The following TMEM94 variants were observed in gnomAD, a reference collection of about 807,000 sequenced individuals.
The protein encoded by TMEM94 is transmembrane protein 94.
TMEM94 carries 81 observed loss-of-function variants against 158.6 expected under a neutral mutation model. That is an observed-to-expected ratio of 0.51 (90% confidence interval 0.43 to 0.61). TMEM94 has a LOEUF of 0.61. Among genes scored for constraint, TMEM94 ranks in the 20% least tolerant of loss-of-function variants. TMEM94 has a pLI of 0.00. For missense variants in TMEM94, 1,435 were observed against 1,762.0 expected (o/e 0.81, Z 3.32); for synonymous variants, 751 against 730.7 (o/e 1.03, Z -0.45).
Position 75,498,938 on chromosome 17 carries a change from C to A in TMEM94, c.3854C>A (p.Ala1285Asp). 6.4e-7 allele frequency: 1 copy of A among 1,567,836 alleles called. No homozygotes were observed. Among genetic ancestry groups the A allele is most frequent in the Non-Finnish European group, 8.6e-7 (1 of 1,156,462 alleles). ...CTGCTGGGTCAGGTGGTCCAGACGG[C>A]TGTGGACCTGCAGCTGTGGACACAC... Reference protein sequence around the residue: ...VVLLGQVVQTAVDLQLWTHRD... With the variant: ...VVLLGQVVQTDVDLQLWTHRD... Residue 1285 changes from alanine (A) to aspartate (D), a missense_variant, in exon 31 of 32, where the codon GCT becomes GAT. Physicochemically the swap from Ala to Asp is moderately radical, Grantham distance 126. Coordinates refer to ENST00000314256, the MANE Select transcript of TMEM94 (RefSeq NM_014738.6). The surrounding 1 kb of genome is among the most constrained non-coding windows in gnomAD (Gnocchi z 6.7).
chr17:75,478,642 G>C (rs2050907956), intron 2 of TMEM94, among the ~76,000 whole-genome samples: 1 of 152,146 alleles, frequency 6.6e-6, no homozygotes, highest in Non-Finnish European at 1.5e-5. Flanking sequence ...TGATAGAACA[G>C]AGAGAGCAAG....
chr17:75,496,665 T>A (rs948243357), intron 24 of TMEM94, 65 bp from the exon 25 acceptor site: 7 of 1,531,550 alleles, frequency 4.6e-6, no homozygotes, highest in Non-Finnish European at 6.3e-6. Context: ...CTAAAGTGTG[T>A]CAGCTGTTGG....
chr17:75,492,625 A>G lies in TMEM94; in HGVS notation c.1748A>G (p.Lys583Arg), dbSNP rs748548974. 1.2e-6 allele frequency: 2 copies of G among 1,613,954 alleles called. No individual in the cohort carries two copies. The highest frequency in any genetic ancestry group is 1.7e-6 in the Non-Finnish European group (2 of 1,179,974). Residue 583 changes from lysine (K) to arginine (R), a missense_variant, in exon 15 of 32, where the codon AAA (lysine) becomes AGA (arginine). Coordinates refer to ENST00000314256, the MANE Select transcript of TMEM94 (RefSeq NM_014738.6). The surrounding 1 kb of genome is among the most constrained non-coding windows in gnomAD (Gnocchi z 4.4). ...SNWQLHLTSL[K>R]PLGLNVLLNL... ...TGGCAGCTGCACCTCACCTCCCTCAAACCCCTGGGCCTCAATGTGCTGCTG... is the reference window on the plus strand; with the variant it reads ...TGGCAGCTGCACCTCACCTCCCTCAGACCCCTGGGCCTCAATGTGCTGCTG...
chr17:75,476,938 G>A (rs993538907), intron 2 of TMEM94, among the ~76,000 whole-genome samples: 1 of 152,166 alleles, frequency 6.6e-6, no homozygotes, highest in Non-Finnish European at 1.5e-5. Flanking sequence ...GTGTGCCTGG[G>A]TAGCTGCCAG....
Position 75,499,602 on chromosome 17 carries a change from C to G in TMEM94, c.*268C>G. 1 of 525,420 alleles carries G rather than the reference C, an allele frequency of 1.9e-6. No individual in the cohort carries two copies. The highest frequency in any genetic ancestry group is 3.4e-6 in the Non-Finnish European group (1 of 295,302). The allele number at this position is 525,420 out of a possible 1,614,324, so 32.5% of individuals were successfully genotyped here. ...TTGAATGTATGGCCTCAGGCGCTCCCTAGAGGGGCCCTAAACCCCCTCACC... is the reference window on the plus strand; with the variant it reads ...TTGAATGTATGGCCTCAGGCGCTCCGTAGAGGGGCCCTAAACCCCCTCACC... On this transcript the variant is annotated 3_prime_UTR_variant, in exon 32 of 32. Coordinates refer to ENST00000314256, the MANE Select transcript of TMEM94 (RefSeq NM_014738.6).
At chr17:75,480,481 G>C (rs1225013574) in intron 2 of TMEM94, among the ~76,000 whole-genome samples, 1 of 152,224 alleles carries the variant, frequency 6.6e-6, no homozygotes, top group Non-Finnish European at 1.5e-5. Flanking sequence ...GCAGAGCGCA[G>C]CTTCAAGGTT....
At position 75,491,505 on chromosome 17, in the gene TMEM94, CTGT is replaced by C; in HGVS notation, c.1386+52_1386+54del. On this transcript the variant is annotated intron_variant, in intron 13 of 31. Coordinates refer to ENST00000314256, the MANE Select transcript of TMEM94 (RefSeq NM_014738.6). This position sits in a 1 kb window ranked among gnomAD's most constrained non-coding sequence, Gnocchi z 5.1. The stretch of plus-strand genomic sequence containing the variant: ...CCCATGGGCCCGACTCTGGGCCAGG[CTGT>C]TTAGCCTTGGAGCCTGGCCAGGGAG... 6.2e-7 allele frequency: 1 copy of C among 1,612,946 alleles called. No individual in the cohort carries two copies. Among genetic ancestry groups the C allele is most frequent in the Non-Finnish European group, 8.5e-7 (1 of 1,179,442 alleles).
Position 75,493,443 on chromosome 17 carries a change from G to T in TMEM94, c.2087-48G>T, listed in dbSNP as rs72851929. ...ACAGTGCGTTGCCTGTCAGGTCAGC[G>T]TGAGGGGGCTGGTTAGCGACACTCA... On this transcript the variant is annotated intron_variant, in intron 16 of 31. Coordinates refer to ENST00000314256, the MANE Select transcript of TMEM94 (RefSeq NM_014738.6). The T allele has an allele frequency of 7.6e-3, 12,038 of 1,577,164 alleles. 51 individuals carry two copies. The highest frequency in any genetic ancestry group is 8.7e-3 in the Non-Finnish European group (10,014 of 1,147,064).
At position 75,463,178 on chromosome 17, in the gene TMEM94, G is replaced by GTATATATA. The variant is rs749164900; in HGVS notation, c.-107+6440_-107+6447dup. On this transcript the variant is annotated intron_variant, in intron 1 of 31. Transcript: ENST00000314256. ...TATATATATGTGTGTGTGTGTGTGT[G>GTATATATA]TATATATATATATATATATACAGTT... 1.7e-3 allele frequency among the ~76,000 whole-genome samples: 26 copies of GTATATATA among 15,080 alleles called. 5 individuals carry two copies. The highest frequency in any genetic ancestry group is 2.8e-3 in the African/African-American group (17 of 6,060). 9.9% of individuals were successfully genotyped at this position (15,080 alleles called of 152,430 possible). A position where few individuals can be genotyped will look rare whatever the true frequency, so the allele number is the denominator to read the frequency against.
At chr17:75,458,207 G>A (rs889029951) in intron 1 of TMEM94, among the ~76,000 whole-genome samples, 2 of 152,088 alleles carry the variant, frequency 1.3e-5, no homozygotes, top group African/African-American at 2.4e-5. Context: ...ACAGGAACGC[G>A]TTGCATACAG....
Position 75,485,710 on chromosome 17 carries a change from C to T in TMEM94, c.145-161C>T, listed in dbSNP as rs1045952413. On this transcript the variant is annotated intron_variant, in intron 3 of 31. Coordinates refer to ENST00000314256, the MANE Select transcript of TMEM94 (RefSeq NM_014738.6). This position sits in a 1 kb window ranked among gnomAD's most constrained non-coding sequence, Gnocchi z 5.5. ...AGCCAAGGTTCCCCTCAGAGTGGCT[C>T]CTGAGCCTGCTTGCTGCAGGAGCCC... 3 of 1,327,606 alleles carry T rather than the reference C, an allele frequency of 2.3e-6. No homozygotes were observed. In the African/African-American group the frequency reaches 4.4e-5, roughly 20 times the overall value. 82.2% of individuals were successfully genotyped at this position (1,327,606 alleles called of 1,614,324 possible).
In TMEM94 at chr17:75,499,400, AG is replaced by A. The variant is rs1195630364; in HGVS notation, c.*70del. ...GCTAAAGCCAGACCCATTTCTGAAC[AG>A]GGGAGTTTGTATCATGAATGTTTCC... On this transcript the variant is annotated 3_prime_UTR_variant, in exon 32 of 32. Coordinates refer to ENST00000314256, the MANE Select transcript of TMEM94 (RefSeq NM_014738.6). 30 of 1,460,042 alleles carry A rather than the reference AG, an allele frequency of 2.1e-5. No individual in the cohort carries two copies. Among genetic ancestry groups the A allele is most frequent in the Admixed American group, 1.0e-4 (6 of 58,228 alleles). The allele number at this position is 1,460,042 out of a possible 1,614,324, so 90.4% of individuals were successfully genotyped here. A position where few individuals can be genotyped will look rare whatever the true frequency, so the allele number is the denominator to read the frequency against.
At position 75,486,398 on chromosome 17, in the gene TMEM94, G is replaced by T; in HGVS notation, c.381G>T (p.Arg127Ser). 1 of 1,614,238 alleles carries T rather than the reference G, an allele frequency of 6.2e-7. No homozygotes were observed. Among genetic ancestry groups the T allele is most frequent in the Non-Finnish European group, 8.5e-7 (1 of 1,180,044 alleles). The change falls in exon 5 of 32, where the codon AGG (arginine) becomes AGT (serine). Residue 127 changes from arginine to serine, a missense_variant. By Grantham distance (110) the Arg-to-Ser change is moderately radical. Around this residue, in one of 3 missense-constraint regions of TMEM94, gnomAD observed 1,051 missense variants for 1,254.4 expected, o/e 0.84. Transcript: ENST00000314256. ...DRLKRREVERRLRGIIDQIQD... is the reference protein window; with the variant it reads ...DRLKRREVERSLRGIIDQIQD... Reference sequence around the variant, plus strand: ...TGAAGCGTCGGGAGGTAGAGCGGAGGCTGCGAGGGATCATTGACCAAATCC... The same window carrying T: ...TGAAGCGTCGGGAGGTAGAGCGGAGTCTGCGAGGGATCATTGACCAAATCC...
chr17:75,463,024 AAAAAAAAAAAAAAATAT>A (rs2050131662), intron 1 of TMEM94, among the ~76,000 whole-genome samples: 3 of 11,078 alleles, frequency 2.7e-4, no homozygotes, highest in African/African-American at 1.6e-3. Flanking sequence ...AAAAAAAAAA[AAAAAAAAAAAAAAATAT>A]ATATATATAT....
intron 18 of TMEM94, 53 bp downstream of exon 18, chr17:75,493,969 C>T (rs952913605): frequency 2.5e-5 from 39 of 1,544,996 alleles, no homozygotes; most frequent in Middle Eastern, 2.1e-4. Context: ...CCTGGGCTGC[C>T]GAAGCCCAGG....
chr17:75,498,526 G>A lies in TMEM94; in HGVS notation c.3721G>A (p.Val1241Ile). Residue 1241 changes from valine to isoleucine, a missense_variant, in exon 29 of 32, where the codon GTC becomes ATC. By Grantham distance (29) the Val-to-Ile change is conservative. This residue lies in a region of TMEM94 where 335 missense variants were observed against 409.1 expected (regional missense o/e 0.82). Coordinates refer to ENST00000314256, the MANE Select transcript of TMEM94 (RefSeq NM_014738.6). This position sits in a 1 kb window ranked among gnomAD's most constrained non-coding sequence, Gnocchi z 6.7. ...SAQKLTAALIVLHTVFISITH... is the reference protein window; with the variant it reads ...SAQKLTAALIILHTVFISITH... Reference sequence around the variant, plus strand: ...TCAGAAGCTCACGGCCGCCCTGATTGTCCTGCACACTGGTGAGAGGGCTCC... The same window carrying A: ...TCAGAAGCTCACGGCCGCCCTGATTATCCTGCACACTGGTGAGAGGGCTCC... 1.2e-6 allele frequency: 2 copies of A among 1,609,040 alleles called. No homozygotes were observed. The highest frequency in any genetic ancestry group is 8.5e-7 in the Non-Finnish European group (1 of 1,177,396).
intron 2 of TMEM94, among the ~76,000 whole-genome samples, chr17:75,478,928 G>A (rs2050935384): frequency 6.6e-6 from 1 of 152,152 alleles, no homozygotes; most frequent in Admixed American, 6.5e-5. Flanking sequence ...GGCCCCAGGA[G>A]GCAAGAAAAG....
chr17:75,479,361 C>A (rs543408633), intron 2 of TMEM94, among the ~76,000 whole-genome samples: 3 of 151,870 alleles, frequency 2.0e-5, no homozygotes, highest in Admixed American at 2.0e-4. Flanking sequence ...GCTCTGTTGC[C>A]GAAGCTGGAG....
At chr17:75,468,980 A>G (rs2050402197) in intron 1 of TMEM94, among the ~76,000 whole-genome samples, 1 of 152,104 alleles carries the variant, frequency 6.6e-6, no homozygotes, top group Admixed American at 6.5e-5. Context: ...CCCTGGTCTG[A>G]GATCATTAGA....
Sources: allele counts gnomAD v4.1 joint callset (sites outside exome capture counted in the v4.1 genomes callset), GRCh38; gene constraint gnomAD v4.1.1; regional missense constraint gnomAD v4.1.1; non-coding constraint Gnocchi (gnomAD v3.1); transcripts MANE v1.5; gene names NCBI Gene and HGNC (gene_info 2026-07-23, HGNC 2026-07-21).